PKP4: variants seen among roughly 807,000 people sequenced by gnomAD.
PKP4 encodes the protein plakophilin-4.
A neutral mutation model predicts 145.1 loss-of-function variants in PKP4; 90 were observed. The observed-to-expected ratio is 0.62, with a 90% CI of 0.52 to 0.74. The LOEUF (loss-of-function observed/expected upper bound fraction) is 0.74, where lower values mean the gene tolerates loss of function less well. Ranked by LOEUF, PKP4 falls within the 30% of genes least tolerant of loss-of-function variation. The pLI, the probability that PKP4 is intolerant of heterozygous loss-of-function variation, is 0.00. For missense variants in PKP4, 1,340 were observed against 1,482.7 expected, an observed-to-expected ratio of 0.90 and a Z score of 1.58; for synonymous variants, 563 against 577.2, an observed-to-expected ratio of 0.98 and a Z score of 0.35.
intron 2 of PKP4, among the ~76,000 whole-genome samples, chr2:158,545,037 A>T (rs562943327): frequency 1.3e-5 from 2 of 148,338 alleles, no homozygotes; most frequent in South Asian, 2.2e-4. Flanking sequence ...TTGAGTCCAA[A>T]GTGTAAAAGA....
At chr2:158,520,460 A>C (rs774202238) in intron 1 of PKP4, among the ~76,000 whole-genome samples, 1 of 152,240 alleles carries the variant, frequency 6.6e-6, no homozygotes, top group Non-Finnish European at 1.5e-5. Context: ...TTAGTATTTA[A>C]GTTACTAAAT....
At chr2:158,480,228 A>G (rs1693135496) in intron 1 of PKP4, among the ~76,000 whole-genome samples, 1 of 152,092 alleles carries the variant, frequency 6.6e-6, no homozygotes. Context: ...GAATTTATTT[A>G]TTTAGTTATT....
At chr2:158,674,022 C>T in intron 19 of PKP4, 22 bp downstream of exon 19, 2 of 1,252,332 alleles carry the variant, frequency 1.6e-6, no homozygotes, top group African/African-American at 2.9e-5. Flanking sequence ...AATGCCACTC[C>T]TTGGCGAGAA....
In PKP4 at chr2:158,676,727, C is replaced by A. The variant is rs774690499; in HGVS notation, c.3128-12C>A. The A allele has an allele frequency of 6.2e-7, 1 of 1,614,126 alleles. No homozygotes were observed. The highest frequency in any genetic ancestry group is 8.5e-7 in the Non-Finnish European group (1 of 1,179,986). On this transcript the variant is annotated splice_polypyrimidine_tract_variant and intron_variant, in intron 19 of 21. Coordinates refer to ENST00000389759, the MANE Select transcript of PKP4 (RefSeq NM_003628.6). ...TACCCCTCTTTCTCTCCTCCTTTGCCTCTCCCTTCAGTCGGCAGCACCTCT... is the reference window on the plus strand; with the variant it reads ...TACCCCTCTTTCTCTCCTCCTTTGCATCTCCCTTCAGTCGGCAGCACCTCT...
chr2:158,676,338 A>G (rs1445057359), intron 19 of PKP4, among the ~76,000 whole-genome samples: 2 of 152,252 alleles, frequency 1.3e-5, no homozygotes, highest in African/African-American at 4.8e-5. Flanking sequence ...CAAGCAACTG[A>G]ACTGGGATCA....
intron 9 of PKP4, among the ~76,000 whole-genome samples, chr2:158,637,353 C>T (rs1362601050): frequency 6.6e-6 from 1 of 152,190 alleles, no homozygotes; most frequent in Non-Finnish European, 1.5e-5. Context: ...CCTGTTCAGC[C>T]TTGAGCCGTG....
chr2:158,557,956 C>T (rs749868130), intron 2 of PKP4, among the ~76,000 whole-genome samples: 73 of 152,286 alleles, frequency 4.8e-4, no homozygotes, highest in Non-Finnish European at 8.8e-4. Context: ...GACACATGGA[C>T]TTGGACCTTG....
chr2:158,617,498 T>C (rs2051757530), intron 4 of PKP4, among the ~76,000 whole-genome samples: 1 of 152,220 alleles, frequency 6.6e-6, no homozygotes, highest in Non-Finnish European at 1.5e-5. Flanking sequence ...CATGAAATGG[T>C]TATTTGCACA....
chr2:158,604,576 G>A (rs1372243064), intron 4 of PKP4, among the ~76,000 whole-genome samples: 1 of 152,094 alleles, frequency 6.6e-6, no homozygotes, highest in Non-Finnish European at 1.5e-5. Context: ...AGGCTGGTGT[G>A]GTGGTCAGGT....
At chr2:158,489,556 C>T (rs966681886) in intron 1 of PKP4, among the ~76,000 whole-genome samples, 1 of 152,170 alleles carries the variant, frequency 6.6e-6, no homozygotes, top group Non-Finnish European at 1.5e-5. Context: ...TGGGGCTTCC[C>T]TGACTCCTCT....
chr2:158,675,321 T>G (rs78238796), intron 19 of PKP4, among the ~76,000 whole-genome samples: 1 of 89,188 alleles, frequency 1.1e-5, no homozygotes, highest in African/African-American at 7.2e-5. Context: ...TTTTTGGTGA[T>G]TTTTTTTTTT....
chr2:158,499,510 C>T (rs1696239815), intron 1 of PKP4, among the ~76,000 whole-genome samples: 1 of 152,124 alleles, frequency 6.6e-6, no homozygotes, highest in South Asian at 2.1e-4. Flanking sequence ...ACATTTTTAA[C>T]ACATGTCTGC....
At chr2:158,507,087 C>T (rs548182694) in intron 1 of PKP4, among the ~76,000 whole-genome samples, 21 of 152,286 alleles carry the variant, frequency 1.4e-4, no homozygotes, top group Admixed American at 8.5e-4. Flanking sequence ...CTATTTTGTT[C>T]TTTCTTTTGC....
At position 158,676,760 on chromosome 2, in the gene PKP4, C is replaced by T. The variant is rs1020068764; in HGVS notation, c.3149C>T (p.Pro1050Leu). 1 of 1,613,962 alleles carries T rather than the reference C, an allele frequency of 6.2e-7. No individual in the cohort carries two copies. The highest frequency in any genetic ancestry group is 8.5e-7 in the Non-Finnish European group (1 of 1,179,950). The stretch of plus-strand genomic sequence containing the variant: ...TCAGTCGGCAGCACCTCTTCCTCAC[C>T]AGCACTGTTAGGAATCAGAGACCCT... ...IQSVGSTSSSPALLGIRDPRS... is the reference protein window; with the variant it reads ...IQSVGSTSSSLALLGIRDPRS... The change falls in exon 20 of 22, where the codon CCA becomes CTA. Residue 1050 changes from proline (P) to leucine (L), a missense_variant. Transcript: ENST00000389759.
At chr2:158,611,358 CTG>C (rs1283818867) in intron 4 of PKP4, among the ~76,000 whole-genome samples, 7 of 152,124 alleles carry the variant, frequency 4.6e-5, no homozygotes, top group Admixed American at 2.6e-4. Context: ...AAATTTAAGA[CTG>C]TAGGAGCTAG....
At chr2:158,470,900 C>G (rs1452906818) in intron 1 of PKP4, among the ~76,000 whole-genome samples, 1 of 151,948 alleles carries the variant, frequency 6.6e-6, no homozygotes, top group East Asian at 1.9e-4. Flanking sequence ...GAGCAGCAAC[C>G]CGAGGATGGA....
At chr2:158,489,679 T>C (rs968185168) in intron 1 of PKP4, among the ~76,000 whole-genome samples, 4 of 152,244 alleles carry the variant, frequency 2.6e-5, no homozygotes, top group African/African-American at 9.6e-5. Flanking sequence ...GAAATGAAAT[T>C]CTACTCACTT....
At chr2:158,546,162 T>C (rs2045017836) in intron 2 of PKP4, among the ~76,000 whole-genome samples, 1 of 152,246 alleles carries the variant, frequency 6.6e-6, no homozygotes, top group Admixed American at 6.5e-5. Context: ...AATTTTAGTA[T>C]ACTTTAAGTG....
intron 11 of PKP4, among the ~76,000 whole-genome samples, chr2:158,646,825 A>G (rs1329261341): frequency 6.6e-6 from 1 of 152,212 alleles, no homozygotes; most frequent in East Asian, 1.9e-4. Context: ...CATCACATGC[A>G]TGAACCCACA....
Sources: allele counts gnomAD v4.1 joint callset (sites outside exome capture counted in the v4.1 genomes callset), GRCh38; gene constraint gnomAD v4.1.1; transcripts MANE v1.5; gene names NCBI Gene and HGNC (gene_info 2026-07-23, HGNC 2026-07-21).